The following SLC5A1 variants were observed in gnomAD, a reference collection of about 807,000 sequenced individuals.
SLC5A1 encodes solute carrier family 5 member 1, also known as sodium/glucose cotransporter 1.
SLC5A1 carries 42 observed loss-of-function variants against 73.5 expected under a neutral mutation model. The observed-to-expected ratio is 0.57, with a 90% CI of 0.45 to 0.74. SLC5A1 has a LOEUF of 0.74. SLC5A1 is among the 30% of genes least tolerant of loss of function. The pLI is 0.00. For synonymous variants in SLC5A1, 300 were observed against 317.4 expected (o/e 0.95, Z 0.58); for missense variants, 634 against 855.4 (o/e 0.74, Z 3.23).
At chr22:32,052,844 C>T (rs1569299913) in intron 2 of SLC5A1, among the ~76,000 whole-genome samples, 1 of 152,040 alleles carries the variant, frequency 6.6e-6, no homozygotes, top group Non-Finnish European at 1.5e-5. Flanking sequence ...CATGCTGGTC[C>T]CCCTTAGTGG....
chr22:32,051,390 T>C (rs1284073162), intron 2 of SLC5A1, among the ~76,000 whole-genome samples: 1 of 152,176 alleles, frequency 6.6e-6, no homozygotes, highest in East Asian at 1.9e-4. Flanking sequence ...GCACAGTGAC[T>C]CACACCTGTA....
Position 32,112,248 on chromosome 22 carries a change from G to A in SLC5A1, c.*2035G>A, listed in dbSNP as rs2094058504. 1 of 152,134 alleles carries A rather than the reference G, an allele frequency of 6.6e-6. No homozygotes were observed. Among genetic ancestry groups the A allele is most frequent in the Non-Finnish European group, 1.5e-5 (1 of 68,032 alleles). The allele number at this position is 152,134 out of a possible 1,614,324, so 9.4% of individuals were successfully genotyped here. A position where few individuals can be genotyped will look rare whatever the true frequency, so the allele number is the denominator to read the frequency against. Reference sequence around the variant, plus strand: ...CATTCCAGGGTCTTCAGAATTGAAGGAGAGATGTTGTATCACTGTTAGAAG... The same window carrying A: ...CATTCCAGGGTCTTCAGAATTGAAGAAGAGATGTTGTATCACTGTTAGAAG... On this transcript the variant is annotated 3_prime_UTR_variant, in exon 15 of 15. Transcript: ENST00000266088.
At chr22:32,085,243 T>C (rs2094006236) in intron 9 of SLC5A1, among the ~76,000 whole-genome samples, 1 of 152,124 alleles carries the variant, frequency 6.6e-6, no homozygotes, top group South Asian at 2.1e-4. Context: ...TGCTTCAGCC[T>C]CCTGAGCAGC....
At chr22:32,046,581 G>C (rs1022363410) in intron 1 of SLC5A1, among the ~76,000 whole-genome samples, 1 of 152,112 alleles carries the variant, frequency 6.6e-6, no homozygotes, top group Non-Finnish European at 1.5e-5. Flanking sequence ...GTCTGGTTGT[G>C]TCCTATGTGG....
At chr22:32,055,530 C>T (rs988250141) in intron 2 of SLC5A1, among the ~76,000 whole-genome samples, 10 of 152,166 alleles carry the variant, frequency 6.6e-5, no homozygotes, top group Non-Finnish European at 1.5e-4. Context: ...GAGCACATTC[C>T]ATTCCTGAGT....
intron 2 of SLC5A1, among the ~76,000 whole-genome samples, chr22:32,057,576 T>C (rs1274695068): frequency 1.3e-5 from 2 of 152,152 alleles, no homozygotes; most frequent in Non-Finnish European, 2.9e-5. Context: ...CCCAGGACAA[T>C]TCTTGATGCC....
intron 6 of SLC5A1, among the ~76,000 whole-genome samples, chr22:32,082,495 C>A (rs541223859): frequency 2.6e-5 from 4 of 152,062 alleles, no homozygotes; most frequent in Non-Finnish European, 5.9e-5. Flanking sequence ...GACTGGGAGC[C>A]CCTGTAAGGA....
rs529169950 is a variant in SLC5A1 at position 32,044,213 on chromosome 22, C to T, written c.135+797C>T. Among the ~76,000 whole-genome samples, 5 of 152,280 alleles carry T rather than the reference C, an allele frequency of 3.3e-5. No homozygotes were observed. In the South Asian group the frequency reaches 1.0e-3, roughly 32 times the overall value. Reference sequence around the variant, plus strand: ...CAGGACCGACTGTGGTGGTTCACTCCTGTAATCCTAGCACTTTGAGAGGCC... The same window carrying T: ...CAGGACCGACTGTGGTGGTTCACTCTTGTAATCCTAGCACTTTGAGAGGCC... On this transcript the variant is annotated intron_variant, in intron 1 of 14. Coordinates refer to ENST00000266088, the MANE Select transcript of SLC5A1 (RefSeq NM_000343.4).
chr22:32,084,630 C>A lies in SLC5A1; in HGVS notation c.856C>A (p.Leu286Ile). ...WPGFIFGMSI[L>I]TLWYWCTDQV... is the part of the protein sequence containing the mutation. ...TGGGTTCATCTTTGGGATGTCCATC[C>A]TTACCTTGTGGTACTGGTGCACAGA... Residue 286 changes from leucine (L) to isoleucine (I), a missense_variant, in exon 8 of 15, where the codon CTT becomes ATT. Physicochemically the swap from Leu to Ile is conservative, Grantham distance 5 (BLOSUM62 2). Around this residue, in one of 3 missense-constraint regions of SLC5A1, gnomAD observed 422 missense variants for 626.1 expected, o/e 0.67. Transcript: ENST00000266088. 1 of 1,614,176 alleles carries A rather than the reference C, an allele frequency of 6.2e-7. No individual in the cohort carries two copies. The highest frequency in any genetic ancestry group is 2.2e-5 in the East Asian group (1 of 44,878).
chr22:32,076,091 G>A (rs1029964002), intron 5 of SLC5A1, among the ~76,000 whole-genome samples: 10 of 152,288 alleles, frequency 6.6e-5, no homozygotes, highest in African/African-American at 1.4e-4. Flanking sequence ...TCCAGAGAGC[G>A]AACAACCAGG....
chr22:32,058,433 C>T (rs999670349), intron 2 of SLC5A1, among the ~76,000 whole-genome samples: 2 of 152,158 alleles, frequency 1.3e-5, no homozygotes, highest in South Asian at 2.1e-4. Context: ...TGGGCCCTTA[C>T]GTGGTTTCCA....
At chr22:32,048,602 G>T (rs1460586480) in intron 1 of SLC5A1, among the ~76,000 whole-genome samples, 3 of 152,184 alleles carry the variant, frequency 2.0e-5, no homozygotes, top group Non-Finnish European at 2.9e-5. Context: ...CACGCTGGGT[G>T]AGGTTCCACC....
intron 9 of SLC5A1, among the ~76,000 whole-genome samples, chr22:32,085,311 C>T (rs978181005): frequency 6.6e-6 from 1 of 151,550 alleles, no homozygotes; most frequent in Non-Finnish European, 1.5e-5. Flanking sequence ...TTTTTTGTAG[C>T]GATGGGATTT....
rs130263 is a variant in SLC5A1, at chr22:32,046,369, CTTT to C, written c.135+2965_135+2967del. ...CCTGGTGGTGCTGAATTCCTTTGCT[CTTT>C]TTTTTTTTTTTAAGTTGGTGCTTTT... On this transcript the variant is annotated intron_variant, in intron 1 of 14. Transcript: ENST00000266088. 9.8e-3 allele frequency among the ~76,000 whole-genome samples: 1,419 copies of C among 145,404 alleles called. 29 individuals carry two copies. Among genetic ancestry groups the C allele is most frequent in the African/African-American group, 0.034 (1,345 of 39,696 alleles).
chr22:32,095,715 A>T (rs182138847), intron 11 of SLC5A1, among the ~76,000 whole-genome samples: 70 of 152,128 alleles, frequency 4.6e-4, no homozygotes, highest in Admixed American at 2.6e-3. Context: ...GTCTTTTTCC[A>T]CCCTTTTACC....
chr22:32,101,742 A>G (rs2094036655), intron 12 of SLC5A1, among the ~76,000 whole-genome samples: 1 of 152,194 alleles, frequency 6.6e-6, no homozygotes, highest in Non-Finnish European at 1.5e-5. Context: ...TATTCCAGTT[A>G]TTAGACACTT....
At chr22:32,060,060 C>A (rs867030511) in intron 2 of SLC5A1, among the ~76,000 whole-genome samples, 4 of 132,062 alleles carry the variant, frequency 3.0e-5, no homozygotes, top group African/African-American at 1.1e-4. Flanking sequence ...CACATATATA[C>A]ACACACATAT....
chr22:32,075,132 G>T (rs898381426), intron 5 of SLC5A1, among the ~76,000 whole-genome samples: 1 of 134,356 alleles, frequency 7.4e-6, no homozygotes, highest in African/African-American at 2.8e-5. Flanking sequence ...GGCTGGTCTT[G>T]AACTCCTCGC....
chr22:32,073,822 G>C (rs1365231590), intron 5 of SLC5A1, among the ~76,000 whole-genome samples: 2 of 152,176 alleles, frequency 1.3e-5, no homozygotes, highest in Non-Finnish European at 2.9e-5. Flanking sequence ...GCCTCCCAAA[G>C]TGCTGGGATT....
Sources: allele counts gnomAD v4.1 joint callset (sites outside exome capture counted in the v4.1 genomes callset), GRCh38; gene constraint gnomAD v4.1.1; regional missense constraint gnomAD v4.1.1; transcripts MANE v1.5; gene names NCBI Gene and HGNC (gene_info 2026-07-23, HGNC 2026-07-21).